The following NUP210L variants were observed in gnomAD, a reference collection of about 807,000 sequenced individuals.
NUP210L encodes nucleoporin 210 like.
In NUP210L, 74 loss-of-function variants were observed where a neutral mutation model predicts 208.5. That is an observed-to-expected ratio of 0.35 (90% CI 0.29 to 0.43). The LOEUF (loss-of-function observed/expected upper bound fraction) is 0.43, where lower values mean the gene tolerates loss of function less well. Among genes scored for constraint, NUP210L ranks in the 20% least tolerant of loss-of-function variants. NUP210L has a pLI of 1.00. For synonymous variants in NUP210L, 780 were observed against 816.9 expected, an observed-to-expected ratio of 0.95 and a Z score of 0.77; for missense variants, 1,843 against 2,289.4, an observed-to-expected ratio of 0.81 and a Z score of 3.98.
intron 10 of NUP210L, among the ~76,000 whole-genome samples, chr1:154,123,184 T>C (rs1339378423): frequency 1.3e-5 from 2 of 152,210 alleles, no homozygotes; most frequent in Non-Finnish European, 2.9e-5. Flanking sequence ...TCGCTCTTGT[T>C]GCCCAGGCTG....
intron 2 of NUP210L, among the ~76,000 whole-genome samples, chr1:154,145,370 A>G (rs1400167146): frequency 6.6e-6 from 1 of 152,038 alleles, no homozygotes; most frequent in African/African-American, 2.4e-5. Flanking sequence ...GTAAGCCAAG[A>G]TTGTGCCACT....
exon 1 of NUP210L, chr1:154,154,943 G>T (rs199776525): frequency 1.2e-4 from 200 of 1,614,084 alleles, no homozygotes; most frequent in Admixed American, 2.2e-4. Flanking sequence ...TGTTGGCCAG[G>T]GTCCCACGCA....
At chr1:154,001,118 A>G (rs901692215) in intron 36 of NUP210L, 58 bp from the exon 37 acceptor site, 2 of 1,395,008 alleles carry the variant, frequency 1.4e-6, no homozygotes, top group Non-Finnish European at 2.0e-6. Flanking sequence ...TTGTATCAGT[A>G]TGTTCCAATC....
intron 16 of NUP210L, among the ~76,000 whole-genome samples, chr1:154,086,442 A>G (rs527806785): frequency 6.6e-6 from 1 of 152,310 alleles, no homozygotes; most frequent in East Asian, 1.9e-4. Flanking sequence ...AAAAGTACAA[A>G]CAACAACCAT....
chr1:154,018,825 C>A, intron 33 of NUP210L, 108 bp downstream of exon 33: 13 of 1,286,520 alleles, frequency 1.0e-5, no homozygotes, highest in Non-Finnish European at 1.4e-5. Flanking sequence ...GGCTTTATAT[C>A]TGTTTTATGA....
chr1:154,003,579 T>C (rs1650338260), intron 35 of NUP210L, among the ~76,000 whole-genome samples: 1 of 152,030 alleles, frequency 6.6e-6, no homozygotes, highest in African/African-American at 2.4e-5. Context: ...CACAACTCAC[T>C]GAAACCTTGA....
At position 154,018,129 on chromosome 1, in the gene NUP210L, G is replaced by A. The variant is rs1405941233; in HGVS notation, c.4653+804C>T. Among the ~76,000 whole-genome samples, 4 of 151,754 alleles carry A rather than the reference G, an allele frequency of 2.6e-5. No individual in the cohort carries two copies. The East Asian group carries it at 5.8e-4, about 22-fold the overall frequency. On this transcript the variant is annotated intron_variant, in intron 33 of 39. Transcript: ENST00000368559. ...TGGGACTACAGATGTGAGCCACCAGGCCCGGCTAATTTTTGTATTTTTAGT... is the reference window on the plus strand; with the variant it reads ...TGGGACTACAGATGTGAGCCACCAGACCCGGCTAATTTTTGTATTTTTAGT...
At chr1:154,024,345 AAC>A (rs1332031419) in intron 30 of NUP210L, among the ~76,000 whole-genome samples, 1 of 152,100 alleles carries the variant, frequency 6.6e-6, no homozygotes, top group Admixed American at 6.6e-5. Context: ...CTTATCAGTT[AAC>A]AGTTAGATGG....
At chr1:154,090,563 C>A (rs1431421835) in intron 15 of NUP210L, among the ~76,000 whole-genome samples, 2 of 152,180 alleles carry the variant, frequency 1.3e-5, no homozygotes, top group Non-Finnish European at 2.9e-5. Flanking sequence ...GTAATCCCAG[C>A]ACTTTGGGAG....
intron 33 of NUP210L, among the ~76,000 whole-genome samples, chr1:154,013,635 A>G (rs1651086070): frequency 6.6e-6 from 1 of 152,128 alleles, no homozygotes; most frequent in South Asian, 2.1e-4. Context: ...AACAACTGCA[A>G]CTTTCTTCAG....
At chr1:154,079,627 ATTATCT>A (rs1655211769) in intron 16 of NUP210L, 2 of 152,240 alleles carry the variant, frequency 1.3e-5, no homozygotes, top group African/African-American at 4.8e-5. Flanking sequence ...TGAGAAGCAC[ATTATCT>A]TTATTTGTTA....
At chr1:154,105,958 G>A (rs981867703) in intron 12 of NUP210L, among the ~76,000 whole-genome samples, 14 of 152,096 alleles carry the variant, frequency 9.2e-5, no homozygotes, top group Admixed American at 4.6e-4. Context: ...TTGAACAAAG[G>A]AGAGTCAAGA....
At chr1:153,993,311 A>C (rs1649590641) in intron 38 of NUP210L, among the ~76,000 whole-genome samples, 1 of 152,216 alleles carries the variant, frequency 6.6e-6, no homozygotes, top group Admixed American at 6.5e-5. Flanking sequence ...TCACGCCTGT[A>C]ATCGCAGCAT....
intron 2 of NUP210L, among the ~76,000 whole-genome samples, chr1:154,145,721 AT>A (rs1659081921): frequency 6.6e-6 from 1 of 152,226 alleles, no homozygotes; most frequent in Non-Finnish European, 1.5e-5. Context: ...AAGGTGCAAG[AT>A]TAGAATTGAA....
rs1002956384 is a variant in NUP210L at position 154,112,159 on chromosome 1, C to T, written c.1620+5566G>A. On this transcript the variant is annotated intron_variant, in intron 12 of 39. Coordinates refer to ENST00000368559, the Ensembl canonical transcript of NUP210L. ...GGCCAGGATGGTCTTGATCTCTTGA[C>T]CTTGTGATCTGCCTGCCTCAGCCTC... Among the ~76,000 whole-genome samples the T allele has an allele frequency of 7.1e-3, 1,072 of 150,116 alleles. 13 individuals are homozygous for T. The highest frequency in any genetic ancestry group is 0.026 in the African/African-American group (1,040 of 39,494).
intron 32 of NUP210L, among the ~76,000 whole-genome samples, chr1:154,021,236 G>A (rs1651543408): frequency 6.6e-6 from 1 of 152,188 alleles, no homozygotes. Context: ...CACCGCACCT[G>A]GCTTATGATT....
chr1:154,072,534 G>A (rs539765353), intron 16 of NUP210L, among the ~76,000 whole-genome samples: 20 of 151,718 alleles, frequency 1.3e-4, no homozygotes, highest in South Asian at 1.0e-3. Flanking sequence ...GGGTTTCACC[G>A]TGTTAGCCAG....
chr1:154,111,164 C>T (rs1050988786), intron 12 of NUP210L, among the ~76,000 whole-genome samples: 2 of 151,364 alleles, frequency 1.3e-5, no homozygotes, highest in African/African-American at 2.5e-5. Flanking sequence ...CGGGAGATCA[C>T]CTGAGGTCAG....
At chr1:154,148,134 G>A (rs1350004989) in intron 2 of NUP210L, among the ~76,000 whole-genome samples, 2 of 151,502 alleles carry the variant, frequency 1.3e-5, no homozygotes, top group Non-Finnish European at 2.9e-5. Flanking sequence ...AGGCATGGTG[G>A]TGCGTGCCTG....
Sources: gnomAD v4.1 joint callset for allele counts (sites outside exome capture counted in the v4.1 genomes callset) on GRCh38, gnomAD v4.1.1 for gene constraint, MANE v1.5 for transcripts, NCBI Gene and HGNC (gene_info 2026-07-23, HGNC 2026-07-21) for gene names.